Variants in LIMCH1 observed in about 807,000 individuals in gnomAD.
LIMCH1 encodes the protein LIM and calponin homology domains-containing protein 1.
A neutral mutation model predicts 176.5 loss-of-function variants in LIMCH1; 113 were observed. The ratio of observed to expected loss-of-function variants is 0.64; its 90% CI spans 0.55 to 0.75. The LOEUF (loss-of-function observed/expected upper bound fraction) is 0.75. Ranked by LOEUF, LIMCH1 falls within the 30% of genes least tolerant of loss-of-function variation. LIMCH1 has a pLI of 0.00. For missense variants in LIMCH1, 1,674 were observed against 1,814.9 expected, an observed-to-expected ratio of 0.92 and a Z score of 1.41; for synonymous variants, 619 against 645.9, an observed-to-expected ratio of 0.96 and a Z score of 0.63.
rs911740629 is a variant in LIMCH1 at position 41,561,866 on chromosome 4, A to G, written c.-241+23516A>G. ...ATAGACGGATGTCACAAGAGCATGC[A>G]CTTCAGTAAACATTTGCTTGAAAAT... On this transcript the variant is annotated intron_variant, in intron 1 of 31. Coordinates refer to ENST00000503057, the MANE Select transcript of LIMCH1 (RefSeq NM_001330672.2). Among the ~76,000 whole-genome samples the G allele has an allele frequency of 9.8e-5, 15 of 152,318 alleles. No homozygotes were observed. In the East Asian group the frequency reaches 1.5e-3, roughly 16 times the overall value.
At chr4:41,591,826 C>T (rs34746944) in intron 1 of LIMCH1, among the ~76,000 whole-genome samples, 2,958 of 152,242 alleles carry the variant, frequency 0.019, 45 homozygotes, top group Non-Finnish European at 0.026. Context: ...AAAGAAATAA[C>T]GCCAAGAAGG....
upstream of LIMCH1, among the ~76,000 whole-genome samples, chr4:41,536,431 T>C (rs149137476): frequency 6.6e-6 from 1 of 152,346 alleles, no homozygotes; most frequent in East Asian, 1.9e-4. Flanking sequence ...TTCCTCTCTG[T>C]CGCTCTGTCC....
chr4:41,646,509 T>C lies in LIMCH1; in HGVS notation c.2436T>C (p.His812=). ...QEKERREREL[H]EAYKNARSQE... ...GAGAGCGGAGAGAGAGAGAGCTGCA[T>C]GAAGCATATAAGAACGCTCGGTCCC... is the stretch of plus-strand genomic sequence containing the variant. Residue 812 remains histidine, a synonymous_variant, in exon 17 of 32, where the codon CAT becomes CAC. Transcript: ENST00000503057. 1 of 1,613,958 alleles carries C rather than the reference T, an allele frequency of 6.2e-7. No homozygotes were observed. The highest frequency in any genetic ancestry group is 1.1e-5 in the South Asian group (1 of 91,074).
chr4:41,683,948 T>A (rs1453911774), intron 26 of LIMCH1, among the ~76,000 whole-genome samples: 5 of 152,244 alleles, frequency 3.3e-5, no homozygotes, highest in African/African-American at 4.8e-5. Flanking sequence ...ACATGAATTT[T>A]AGCTAGTTCT....
At chr4:41,649,873 C>T (rs993191311) in intron 17 of LIMCH1, among the ~76,000 whole-genome samples, 9 of 152,152 alleles carry the variant, frequency 5.9e-5, no homozygotes, top group Non-Finnish European at 8.8e-5. Flanking sequence ...TTCACTGTAA[C>T]AGAGCATAGT....
At chr4:41,648,622 C>T (rs1437940449) in intron 17 of LIMCH1, among the ~76,000 whole-genome samples, 1 of 149,264 alleles carries the variant, frequency 6.7e-6, no homozygotes, top group East Asian at 2.0e-4. Flanking sequence ...CCGTTGTTAC[C>T]AGCTAATAAT....
intron 1 of LIMCH1, among the ~76,000 whole-genome samples, chr4:41,374,752 C>G (rs1215313566): frequency 6.6e-6 from 1 of 152,106 alleles, no homozygotes. Context: ...TCTCTTTCCA[C>G]CGTGCTGTGC....
intron 1 of LIMCH1, among the ~76,000 whole-genome samples, chr4:41,420,262 A>G (rs2060497825): frequency 6.6e-6 from 1 of 152,216 alleles, no homozygotes; most frequent in Non-Finnish European, 1.5e-5. Flanking sequence ...AACATGCCAA[A>G]ATGCCCAGAA....
chr4:41,400,494 T>C (rs1030366940), intron 1 of LIMCH1, among the ~76,000 whole-genome samples: 1 of 152,216 alleles, frequency 6.6e-6, no homozygotes, highest in Non-Finnish European at 1.5e-5. Flanking sequence ...TTGCACTGCA[T>C]GCAAAGCTGG....
chr4:41,655,116 T>C (rs1022226470), intron 18 of LIMCH1, among the ~76,000 whole-genome samples: 1 of 152,220 alleles, frequency 6.6e-6, no homozygotes, highest in Admixed American at 6.5e-5. Context: ...AGTGTTGTCT[T>C]GATTCACTGT....
At chr4:41,494,478 T>C (rs1264248879) in intron 1 of LIMCH1, 3 of 1,191,800 alleles carry the variant, frequency 2.5e-6, no homozygotes, top group Non-Finnish European at 3.7e-6. Context: ...TATATATGAT[T>C]GGACTTCTTG....
chr4:41,497,916 A>G (rs906025087), intron 2 of LIMCH1, among the ~76,000 whole-genome samples: 2 of 152,176 alleles, frequency 1.3e-5, no homozygotes, highest in Non-Finnish European at 2.9e-5. Flanking sequence ...AGAGATTGGC[A>G]GGTGGAGAGA....
At chr4:41,455,820 GT>G (rs2154149942) in intron 1 of LIMCH1, among the ~76,000 whole-genome samples, 1 of 152,268 alleles carries the variant, frequency 6.6e-6, no homozygotes, top group East Asian at 1.9e-4. Flanking sequence ...AATCATGGTA[GT>G]TACATTAACC....
At chr4:41,552,699 T>C (rs1027997899) in intron 1 of LIMCH1, among the ~76,000 whole-genome samples, 1 of 152,250 alleles carries the variant, frequency 6.6e-6, no homozygotes, top group African/African-American at 2.4e-5. Context: ...TGTCCTTTTT[T>C]CAGGAGCTTG....
In LIMCH1 at chr4:41,517,558, G is replaced by T. The variant is rs185268332; in HGVS notation, c.168-6851G>T. On this transcript the variant is annotated intron_variant, in intron 2 of 26. Transcript: ENST00000313860. ...CTATATTTCACACATTCTGAACCGT[G>T]CATAGCATCCCACAAGCATTTGGTA... 1.7e-4 allele frequency among the ~76,000 whole-genome samples: 26 copies of T among 152,252 alleles called. No homozygotes were observed. The East Asian group carries it at 5.0e-3, about 29-fold the overall frequency.
In LIMCH1 at chr4:41,696,663, G is replaced by A. The variant is rs1386222236; in HGVS notation, c.4379-497G>A. ...CTGAAAAATTCTGTGTCGTTTATCT[G>A]AAATTATACTGTACTGGGTATTGCG... On this transcript the variant is annotated intron_variant, in intron 31 of 31. Transcript: ENST00000503057. Among the ~76,000 whole-genome samples, 27 of 152,100 alleles carry A rather than the reference G, an allele frequency of 1.8e-4. 1 individual carries two copies. The highest frequency in any genetic ancestry group is 1.8e-3 in the Admixed American group (27 of 15,268).
rs1028943835 is a variant in LIMCH1 at position 41,404,624 on chromosome 4, A to T, written c.96+43688A>T. Among the ~76,000 whole-genome samples the T allele has an allele frequency of 3.9e-5, 6 of 152,098 alleles. No individual in the cohort carries two copies. In the South Asian group the frequency reaches 1.2e-3, roughly 32 times the overall value. On this transcript the variant is annotated intron_variant, in intron 1 of 26. Coordinates refer to the LIMCH1 transcript ENST00000313860. ...GAAACCCCGTCTCTACTAAAAATAC[A>T]AAAAATTAGCTGGGCGTGGTGGTGG...
At chr4:41,553,071 G>T (rs2080725707) in intron 1 of LIMCH1, among the ~76,000 whole-genome samples, 1 of 152,192 alleles carries the variant, frequency 6.6e-6, no homozygotes, top group South Asian at 2.1e-4. Context: ...CAGCCTTCCA[G>T]GCGCTACAAG....
chr4:41,607,913 A>G (rs1304702530), intron 4 of LIMCH1, among the ~76,000 whole-genome samples: 1 of 152,234 alleles, frequency 6.6e-6, no homozygotes, highest in Non-Finnish European at 1.5e-5. Flanking sequence ...TCACTGGACT[A>G]TCTGAGCACC....
Sources: gnomAD v4.1 joint callset for allele counts (sites outside exome capture counted in the v4.1 genomes callset) on GRCh38, gnomAD v4.1.1 for gene constraint, MANE v1.5 for transcripts, NCBI Gene and HGNC (gene_info 2026-07-23, HGNC 2026-07-21) for gene names.